Variants in ENOX1 observed in about 807,000 individuals in gnomAD.
ENOX1 encodes candidate growth-related and time keeping constitutive hydroquinone (NADH) oxidase.
In ENOX1, 42 loss-of-function variants were observed where a neutral mutation model predicts 82.5. That is an observed-to-expected ratio of 0.51 (90% confidence interval 0.40 to 0.66). The LOEUF (loss-of-function observed/expected upper bound fraction) is 0.66, where lower values mean the gene tolerates loss of function less well. Among genes scored for constraint, ENOX1 ranks in the 30% least tolerant of loss-of-function variants. ENOX1 has a pLI of 0.00. For missense variants in ENOX1, 608 were observed against 811.6 expected, an observed-to-expected ratio of 0.75 and a Z score of 3.05; for synonymous variants, 271 against 282.2, an observed-to-expected ratio of 0.96 and a Z score of 0.40.
intron 12 of ENOX1, among the ~76,000 whole-genome samples, chr13:43,279,032 G>C (rs2045225904): frequency 6.6e-6 from 1 of 152,156 alleles, no homozygotes; most frequent in African/African-American, 2.4e-5. Flanking sequence ...TTATCAGGCA[G>C]CCAGTGCCTG....
rs201802507 is a variant in ENOX1 at position 43,470,360 on chromosome 13, ATATACG to A, written c.-75+13643_-75+13648del. Among the ~76,000 whole-genome samples the A allele has an allele frequency of 0.02, 1,357 of 67,588 alleles. 133 individuals are homozygous for A. In the East Asian group the frequency reaches 0.26, roughly 13 times the overall value. 44.3% of individuals were successfully genotyped at this position (67,588 alleles called of 152,430 possible). The stretch of plus-strand genomic sequence containing the variant: ...TATATACGTATATATATATGTATAT[ATATACG>A]TATATATATACATATATATACGTAT... On this transcript the variant is annotated intron_variant, in intron 3 of 16. Coordinates refer to ENST00000690772, the MANE Select transcript of ENOX1 (RefSeq NM_001347969.2).
intron 1 of ENOX1, among the ~76,000 whole-genome samples, chr13:43,682,842 A>C (rs988702640): frequency 2.6e-5 from 4 of 152,194 alleles, no homozygotes; most frequent in African/African-American, 9.7e-5. Flanking sequence ...GTGCTTTCAA[A>C]ATTCTGTAAA....
At chr13:43,215,377 C>T (rs192376547) in intron 16 of ENOX1, among the ~76,000 whole-genome samples, 77 of 152,272 alleles carry the variant, frequency 5.1e-4, no homozygotes, top group Non-Finnish European at 1.0e-3. Flanking sequence ...TTTTCTGATA[C>T]ACACCATATT....
At chr13:43,409,831 A>G (rs1417333816) in intron 5 of ENOX1, among the ~76,000 whole-genome samples, 1 of 152,216 alleles carries the variant, frequency 6.6e-6, no homozygotes, top group Non-Finnish European at 1.5e-5. Flanking sequence ...ATAAATAAGC[A>G]CTAACCAAAC....
At chr13:43,285,942 A>G (rs966452561) in intron 12 of ENOX1, among the ~76,000 whole-genome samples, 1 of 150,808 alleles carries the variant, frequency 6.6e-6, no homozygotes, top group Non-Finnish European at 1.5e-5. Flanking sequence ...TCTGATGAGA[A>G]GGAAATTGGC....
intron 2 of ENOX1, among the ~76,000 whole-genome samples, chr13:43,517,441 T>A (rs1025973273): frequency 6.6e-6 from 1 of 152,142 alleles, no homozygotes; most frequent in Non-Finnish European, 1.5e-5. Flanking sequence ...GAGGTTGCAA[T>A]GAGCCCAGAT....
chr13:43,310,155 C>T (rs1218494719), intron 11 of ENOX1, among the ~76,000 whole-genome samples: 5 of 123,584 alleles, frequency 4.0e-5, no homozygotes, highest in South Asian at 5.6e-4. Context: ...GCCGAGATCA[C>T]GCCATTGCAC....
intron 2 of ENOX1, among the ~76,000 whole-genome samples, chr13:43,569,316 G>A (rs1159379047): frequency 6.6e-6 from 1 of 152,186 alleles, no homozygotes; most frequent in African/African-American, 2.4e-5. Flanking sequence ...CAGACAGATA[G>A]ATAGATAAAT....
At chr13:43,752,264 A>G (rs1019764615) in intron 1 of ENOX1, among the ~76,000 whole-genome samples, 7 of 152,166 alleles carry the variant, frequency 4.6e-5, no homozygotes, top group African/African-American at 1.7e-4. Flanking sequence ...AGTAATTTAT[A>G]TATTTTGAGT....
chr13:43,328,883 G>T (rs1049199459), intron 9 of ENOX1, among the ~76,000 whole-genome samples: 1 of 152,188 alleles, frequency 6.6e-6, no homozygotes. Context: ...TTGATTAATT[G>T]CTAGAAATAT....
intron 2 of ENOX1, among the ~76,000 whole-genome samples, chr13:43,607,590 A>T (rs9567233): frequency 0.43 from 64,698 of 152,024 alleles, 16,295 homozygotes; most frequent in East Asian, 0.8. Flanking sequence ...ATACATTATT[A>T]CATATCATCT....
chr13:43,444,039 A>G (rs1004403971), intron 3 of ENOX1, among the ~76,000 whole-genome samples: 8 of 152,194 alleles, frequency 5.3e-5, no homozygotes, highest in Non-Finnish European at 1.0e-4. Flanking sequence ...AGCCACAGAG[A>G]AAGTGAGAAC....
intron 1 of ENOX1, among the ~76,000 whole-genome samples, chr13:43,721,524 G>A (rs2153818216): frequency 6.7e-6 from 1 of 150,034 alleles, no homozygotes; most frequent in Non-Finnish European, 1.5e-5. Flanking sequence ...GACTACAGGC[G>A]CCCGCCACTA....
intron 2 of ENOX1, among the ~76,000 whole-genome samples, chr13:43,537,161 G>C (rs972089033): frequency 1.4e-4 from 22 of 152,298 alleles, no homozygotes; most frequent in African/African-American, 4.8e-4. Flanking sequence ...TCTCAGTGGG[G>C]CACTAGAAAG....
At chr13:43,430,817 A>C (rs1433418136) in intron 3 of ENOX1, among the ~76,000 whole-genome samples, 1 of 152,248 alleles carries the variant, frequency 6.6e-6, no homozygotes, top group Non-Finnish European at 1.5e-5. Flanking sequence ...AAAGTGTAGC[A>C]GTTAAAAAAA....
rs2058063959 is a variant in ENOX1, at chr13:43,471,476, A to G, written c.-75+12533T>C. On this transcript the variant is annotated intron_variant, in intron 3 of 16. Coordinates refer to ENST00000690772, the MANE Select transcript of ENOX1 (RefSeq NM_001347969.2). ...ATTCTGGTAATAATGCACACGTTCA[A>G]GTATTTAGGAGGATATGTACTAATG... is the stretch of plus-strand genomic sequence containing the variant. 2.6e-5 allele frequency among the ~76,000 whole-genome samples: 4 copies of G among 152,308 alleles called. No homozygotes were observed. The South Asian group carries it at 8.3e-4, about 32-fold the overall frequency.
At chr13:43,627,512 C>T (rs928817552) in intron 2 of ENOX1, among the ~76,000 whole-genome samples, 5 of 151,980 alleles carry the variant, frequency 3.3e-5, no homozygotes, top group African/African-American at 1.2e-4. Flanking sequence ...TATAGAAACC[C>T]TATCTACTTT....
At chr13:43,566,320 T>A (rs772962944) in intron 2 of ENOX1, among the ~76,000 whole-genome samples, 1 of 152,116 alleles carries the variant, frequency 6.6e-6, no homozygotes, top group South Asian at 2.1e-4. Context: ...AGGATGATTA[T>A]CTCACAGTCA....
At chr13:43,282,452 C>CTTT (rs558705645) in intron 12 of ENOX1, among the ~76,000 whole-genome samples, 1 of 142,494 alleles carries the variant, frequency 7.0e-6, no homozygotes, top group South Asian at 2.2e-4. Flanking sequence ...ATTCTTTTTT[C>CTTT]TTTTTTTTTT....
Sources: gnomAD v4.1 joint callset for allele counts (sites outside exome capture counted in the v4.1 genomes callset) on GRCh38, gnomAD v4.1.1 for gene constraint, MANE v1.5 for transcripts, NCBI Gene and HGNC (gene_info 2026-07-23, HGNC 2026-07-21) for gene names.